The following ZMAT3 variants were observed in gnomAD, a reference collection of about 807,000 sequenced individuals.
The protein encoded by ZMAT3 is zinc finger matrin-type 3.
In ZMAT3, 17 loss-of-function variants were observed where a neutral mutation model predicts 32.3. The observed-to-expected ratio is 0.53, with a 90% CI of 0.36 to 0.79. ZMAT3 has a LOEUF of 0.79. Ranked by LOEUF, ZMAT3 falls within the 30% of genes least tolerant of loss-of-function variation. ZMAT3 has a pLI of 0.00. For synonymous variants in ZMAT3, 120 were observed against 133.1 expected (o/e 0.90, Z 0.68); for missense variants, 329 against 359.7 (o/e 0.91, Z 0.69).
At chr3:179,029,349 C>A (rs1261621265) in intron 3 of ZMAT3, among the ~76,000 whole-genome samples, 1 of 152,018 alleles carries the variant, frequency 6.6e-6, no homozygotes, top group Non-Finnish European at 1.5e-5. Flanking sequence ...GACGTCAGGG[C>A]CTGGGACTAA....
intron 3 of ZMAT3, 28 bp downstream of exon 3, chr3:179,030,852 C>T: frequency 6.3e-7 from 1 of 1,598,480 alleles, no homozygotes; most frequent in Non-Finnish European, 8.5e-7. Flanking sequence ...CACCCTAATG[C>T]TGCTTCACCC....
intron 5 of ZMAT3, 61 bp from the exon 6 acceptor site, chr3:179,025,289 C>T (rs1576834105): frequency 2.3e-6 from 3 of 1,291,436 alleles, no homozygotes. Context: ...ACAACCTGAC[C>T]AATTATCACT....
At chr3:179,058,702 G>A (rs1311790680) in intron 2 of ZMAT3, among the ~76,000 whole-genome samples, 2 of 146,512 alleles carry the variant, frequency 1.4e-5, no homozygotes, top group African/African-American at 5.1e-5. Flanking sequence ...CTTGCAGTGA[G>A]CCGAGATCCC....
intron 2 of ZMAT3, among the ~76,000 whole-genome samples, chr3:179,061,791 T>C (rs1721164722): frequency 6.6e-6 from 1 of 152,158 alleles, no homozygotes; most frequent in East Asian, 1.9e-4. Flanking sequence ...TGAACAATAT[T>C]TCCCCACTCA....
intron 2 of ZMAT3, among the ~76,000 whole-genome samples, chr3:179,051,573 C>T: frequency 6.6e-6 from 1 of 152,132 alleles, no homozygotes; most frequent in East Asian, 1.9e-4. Flanking sequence ...AATGACCACA[C>T]TGCAAAAAGC....
chr3:179,030,961 T>C lies in ZMAT3; in HGVS notation c.309A>G (p.Ala103=), dbSNP rs1719152255. ...TAGCAGGAGGAGGACAGCTATTTGC[T>C]GCATAGTAATTTCGGAGTTTCTTAC... The part of the protein sequence containing the change: ...NHGKKLRNYY[A]ANSCPPPARM... The change falls in exon 3 of 6, where the codon GCA becomes GCG. Residue 103 remains alanine, a synonymous_variant. Coordinates refer to ENST00000311417, the MANE Select transcript of ZMAT3 (RefSeq NM_022470.4). 3 of 1,613,692 alleles carry C rather than the reference T, an allele frequency of 1.9e-6. No individual in the cohort carries two copies. Among genetic ancestry groups the C allele is most frequent in the Non-Finnish European group, 1.7e-6 (2 of 1,179,810 alleles).
intron 2 of ZMAT3, among the ~76,000 whole-genome samples, chr3:179,031,290 G>C (rs959146729): frequency 5.3e-5 from 8 of 150,864 alleles, no homozygotes; most frequent in Non-Finnish European, 1.0e-4. Context: ...ACGGTTTTAG[G>C]CTTCTACTAG....
chr3:179,060,440 G>A (rs1008878546), intron 2 of ZMAT3, among the ~76,000 whole-genome samples: 6 of 151,664 alleles, frequency 4.0e-5, no homozygotes, highest in East Asian at 3.9e-4. Context: ...TCAGGAGTTC[G>A]ACACCAGCCT....
intron 2 of ZMAT3, among the ~76,000 whole-genome samples, chr3:179,038,914 T>G (rs994952353): frequency 2.0e-5 from 3 of 152,276 alleles, no homozygotes; most frequent in South Asian, 4.1e-4. Flanking sequence ...TACTCTCCCG[T>G]GCCTGGCTTG....
At position 179,024,241 on chromosome 3, in the gene ZMAT3, T is replaced by C. The variant is rs996044051; in HGVS notation, c.*776A>G. 2.0e-5 allele frequency: 3 copies of C among 152,256 alleles called. No individual in the cohort carries two copies. The highest frequency in any genetic ancestry group is 4.4e-5 in the Non-Finnish European group (3 of 68,036). 9.4% of individuals were successfully genotyped at this position (152,256 alleles called of 1,614,324 possible). A position where few individuals can be genotyped will look rare whatever the true frequency, so the allele number is the denominator to read the frequency against. ...AAGTATACAAGCTCATTGGGAGTAT[T>C]TGAATTCAAGAAAATTTGCGCTTCA... On this transcript the variant is annotated 3_prime_UTR_variant, in exon 6 of 6. Coordinates refer to ENST00000311417, the MANE Select transcript of ZMAT3 (RefSeq NM_022470.4).
At chr3:179,066,201 A>T (rs1378351000) in intron 2 of ZMAT3, among the ~76,000 whole-genome samples, 1 of 152,184 alleles carries the variant, frequency 6.6e-6, no homozygotes, top group African/African-American at 2.4e-5. Flanking sequence ...CAGCAAGGTG[A>T]TGAGAGTACG....
At chr3:179,033,664 T>C (rs1249634404) in intron 2 of ZMAT3, among the ~76,000 whole-genome samples, 3 of 152,246 alleles carry the variant, frequency 2.0e-5, no homozygotes, top group Admixed American at 2.0e-4. Flanking sequence ...TCTGATCTAA[T>C]GTACTTTATA....
Position 179,023,710 on chromosome 3 carries a change from A to ATTTTTTTTT in ZMAT3, c.*1298_*1306dup. 9 of 25,058 alleles carry ATTTTTTTTT rather than the reference A, an allele frequency of 3.6e-4. 3 individuals are homozygous for ATTTTTTTTT. Among genetic ancestry groups the ATTTTTTTTT allele is most frequent in the African/African-American group, 2.4e-3 (9 of 3,682 alleles). The allele number at this position is 25,058 out of a possible 1,614,324, so 1.6% of individuals were successfully genotyped here. ...GGAAAATATATCTATATATATATAT[A>ATTTTTTTTT]TTTTTTTTTTTTTTTTTTTTTTTTT... On this transcript the variant is annotated 3_prime_UTR_variant, in exon 6 of 6. Transcript: ENST00000311417.
intron 2 of ZMAT3, among the ~76,000 whole-genome samples, chr3:179,062,869 T>C (rs1721221457): frequency 6.6e-6 from 1 of 152,214 alleles, no homozygotes; most frequent in South Asian, 2.1e-4. Context: ...AGCAAGTTAC[T>C]ATCAAGGTAG....
intron 2 of ZMAT3, among the ~76,000 whole-genome samples, chr3:179,065,796 C>T (rs1308267328): frequency 2.0e-5 from 3 of 152,078 alleles, no homozygotes; most frequent in Non-Finnish European, 4.4e-5. Context: ...ATCCCAGCTA[C>T]TCGAGAGGGT....
At chr3:179,060,515 G>A (rs1298024971) in intron 2 of ZMAT3, among the ~76,000 whole-genome samples, 1 of 152,058 alleles carries the variant, frequency 6.6e-6, no homozygotes, top group Non-Finnish European at 1.5e-5. Flanking sequence ...GTGGTGGCAG[G>A]CACCTGTAAT....
intron 2 of ZMAT3, among the ~76,000 whole-genome samples, chr3:179,061,165 A>C (rs1224175711): frequency 6.6e-6 from 1 of 152,230 alleles, no homozygotes; most frequent in Non-Finnish European, 1.5e-5. Flanking sequence ...TATTTAGAAA[A>C]TAGTGATCCC....
chr3:179,027,553 G>A (rs2108536062), intron 4 of ZMAT3, 30 bp from the exon 5 acceptor site: 1 of 1,613,844 alleles, frequency 6.2e-7, no homozygotes, highest in Non-Finnish European at 8.5e-7. Context: ...AAAAGAGTGA[G>A]TCTTCTAAAC....
chr3:179,028,268 A>G (rs1488737771), intron 3 of ZMAT3, among the ~76,000 whole-genome samples: 1 of 152,236 alleles, frequency 6.6e-6, no homozygotes, highest in Non-Finnish European at 1.5e-5. Flanking sequence ...CTGTCCACAA[A>G]GAGTCTACAA....
Sources: gnomAD v4.1 joint callset for allele counts (sites outside exome capture counted in the v4.1 genomes callset) on GRCh38, gnomAD v4.1.1 for gene constraint, MANE v1.5 for transcripts, NCBI Gene and HGNC (gene_info 2026-07-23, HGNC 2026-07-21) for gene names.